The following NSUN7 variants were observed in gnomAD, a reference collection of about 807,000 sequenced individuals.
NSUN7 encodes protein NSUN7.
NSUN7 carries 39 observed loss-of-function variants against 58.5 expected under a neutral mutation model. The observed-to-expected ratio is 0.67, with a 90% CI of 0.52 to 0.87. The LOEUF is 0.87. Ranked by LOEUF, NSUN7 falls within the 40% of genes least tolerant of loss-of-function variation. The pLI, the probability that NSUN7 is intolerant of heterozygous loss-of-function variation, is 0.00. For synonymous variants in NSUN7, 278 were observed against 303.7 expected, an observed-to-expected ratio of 0.92 and a Z score of 0.88; for missense variants, 765 against 844.1, an observed-to-expected ratio of 0.91 and a Z score of 1.16.
Position 40,807,049 on chromosome 4 carries a change from T to A in NSUN7, c.1401-12T>A. The A allele has an allele frequency of 6.4e-7, 1 of 1,550,412 alleles. No homozygotes were observed. Among genetic ancestry groups the A allele is most frequent in the Non-Finnish European group, 8.7e-7 (1 of 1,146,552 alleles). On this transcript the variant is annotated splice_polypyrimidine_tract_variant and intron_variant, in intron 10 of 11. Transcript: ENST00000381782. ...ATTCTAACTGCTGAATGCTTGTTCC[T>A]GTCTGCTGCAGGCTTAGTCCTCCTG...
intron 8 of NSUN7, among the ~76,000 whole-genome samples, chr4:40,794,036 T>C (rs1200724679): frequency 2.0e-5 from 3 of 152,190 alleles, no homozygotes; most frequent in Non-Finnish European, 4.4e-5. Context: ...AAATCTTATT[T>C]TCTCTATCCA....
At chr4:40,784,178 C>T in intron 7 of NSUN7, among the ~76,000 whole-genome samples, 1 of 152,180 alleles carries the variant, frequency 6.6e-6, no homozygotes, top group East Asian at 1.9e-4. Context: ...CTGATGGGAA[C>T]ATAAAATGGT....
intron 7 of NSUN7, 82 bp from the exon 8 acceptor site, chr4:40,790,520 T>C (rs1044319905): frequency 2.1e-5 from 18 of 872,360 alleles, no homozygotes; most frequent in Middle Eastern, 3.5e-4. Context: ...TTTTAAAATG[T>C]ACAATAAATA....
intron 3 of NSUN7, among the ~76,000 whole-genome samples, chr4:40,760,815 TTG>T (rs1741420533): frequency 6.7e-6 from 1 of 149,850 alleles, no homozygotes; most frequent in Non-Finnish European, 1.5e-5. Context: ...GTGAGCTAGA[TTG>T]CGCCATTGCA....
At chr4:40,802,404 C>T (rs1451212446) in intron 10 of NSUN7, among the ~76,000 whole-genome samples, 3 of 152,108 alleles carry the variant, frequency 2.0e-5, no homozygotes, top group Admixed American at 6.5e-5. Flanking sequence ...TAACAATTTC[C>T]TTCCTACATC....
rs1167012906 is a variant in NSUN7, at chr4:40,757,231, TAAATAAATAAAC to T, written c.299-3184_299-3173del. ...GCGACAGAGCAAGATTCCATCTCAA[TAAATAAATAAAC>T]AAATAAATAAACAAATAAGTTACAG... On this transcript the variant is annotated intron_variant, in intron 2 of 11. Transcript: ENST00000381782. Among the ~76,000 whole-genome samples, 43 of 152,066 alleles carry T rather than the reference TAAATAAATAAAC, an allele frequency of 2.8e-4. No individual in the cohort carries two copies. The East Asian group carries it at 4.8e-3, about 17-fold the overall frequency.
Position 40,810,599 on chromosome 4 carries a change from A to AAAAAG in NSUN7, c.*1662_*1663insAAGAA, listed in dbSNP as rs1319566525. 1 of 151,556 alleles carries AAAAAG rather than the reference A, an allele frequency of 6.6e-6. No individual in the cohort carries two copies. Among genetic ancestry groups the AAAAAG allele is most frequent in the African/African-American group, 2.4e-5 (1 of 41,228 alleles). The allele number at this position is 151,556 out of a possible 1,614,324, so 9.4% of individuals were successfully genotyped here. On this transcript the variant is annotated 3_prime_UTR_variant, in exon 12 of 12. Coordinates refer to ENST00000381782, the MANE Select transcript of NSUN7 (RefSeq NM_024677.6). ...CCTCAAAAAAAAAAAAAAAAAAAAAAAAGTGTCAATGAAGAAAGGAAACAA... is the reference window on the plus strand; with the variant it reads ...CCTCAAAAAAAAAAAAAAAAAAAAAAAAAAGAAGTGTCAATGAAGAAAGGAAACAA...
At chr4:40,787,375 AAG>A (rs199758887) in intron 7 of NSUN7, among the ~76,000 whole-genome samples, 2,543 of 151,846 alleles carry the variant, frequency 0.017, 68 homozygotes, top group African/African-American at 0.058. Flanking sequence ...ATGTAAAAAA[AAG>A]AAAATATAAT....
intron 4 of NSUN7, among the ~76,000 whole-genome samples, chr4:40,765,382 G>A (rs1340693318): frequency 6.8e-6 from 1 of 147,108 alleles, no homozygotes; most frequent in Non-Finnish European, 1.5e-5. Context: ...TCAAAGATCA[G>A]ATAGTTGTAG....
At chr4:40,783,382 A>G (rs1295894377) in intron 7 of NSUN7, among the ~76,000 whole-genome samples, 2 of 152,232 alleles carry the variant, frequency 1.3e-5, no homozygotes, top group African/African-American at 2.4e-5. Context: ...GATCAAAAAT[A>G]TAAGTGTTAG....
chr4:40,795,420 G>A (rs762690194), intron 9 of NSUN7, among the ~76,000 whole-genome samples: 2 of 152,180 alleles, frequency 1.3e-5, no homozygotes, highest in African/African-American at 2.4e-5. Context: ...TAGGAAATAA[G>A]TTGATTGGAA....
rs911428331 is a variant in NSUN7, at chr4:40,750,037, G to C, written c.-355G>C. 6.6e-6 allele frequency: 1 copy of C among 152,320 alleles called. No individual in the cohort carries two copies. The highest frequency in any genetic ancestry group is 2.4e-5 in the African/African-American group (1 of 41,444). The allele number at this position is 152,320 out of a possible 1,614,324, so 9.4% of individuals were successfully genotyped here. ...CCGGGCACCGCGCTCACCCCTCTTC[G>C]CCGCCACGTCCGCGAAGGCCTCACG... On this transcript the variant is annotated 5_prime_UTR_variant, in exon 1 of 12. Coordinates refer to ENST00000381782, the MANE Select transcript of NSUN7 (RefSeq NM_024677.6).
chr4:40,794,415 A>C lies in NSUN7; in HGVS notation c.1221A>C (p.Ser407=). The C allele has an allele frequency of 3.1e-6, 5 of 1,612,142 alleles. No homozygotes were observed. Among genetic ancestry groups the C allele is most frequent in the Non-Finnish European group, 4.2e-6 (5 of 1,178,478 alleles). ...AAGATCACTCTCAAGGAGGCATCTC[A>C]GTGGACAAACTTCACGTTCTTGCTC... ...FLKDHSQGGI[S]VDKLHVLAQQ... The change falls in exon 9 of 12, where the codon TCA becomes TCC. Residue 407 remains serine, a synonymous_variant. Coordinates refer to ENST00000381782, the MANE Select transcript of NSUN7 (RefSeq NM_024677.6).
rs1352222316 is a variant in NSUN7 at position 40,808,622 on chromosome 4, G to T, written c.1840G>T (p.Ala614Ser). The T allele has an allele frequency of 1.8e-5, 28 of 1,551,638 alleles. No homozygotes were observed. The highest frequency in any genetic ancestry group is 2.4e-5 in the Non-Finnish European group (28 of 1,147,036). The change falls in exon 12 of 12, where the codon GCA (alanine) becomes TCA (serine). Residue 614 changes from alanine to serine, a missense_variant. Ala to Ser is a moderately conservative substitution (Grantham distance 99). Transcript: ENST00000381782. ...RKPNKLAPHP[A>S]VPAFVKNTCP... ...ACCCAACAAGCTGGCCCCCCATCCT[G>T]CAGTGCCTGCATTTGTGAAGAACAC...
At chr4:40,760,915 TA>T (rs1348104168) in intron 3 of NSUN7, among the ~76,000 whole-genome samples, 1 of 146,838 alleles carries the variant, frequency 6.8e-6, no homozygotes, top group East Asian at 1.9e-4. Context: ...TGAAACCTCT[TA>T]AATCTTAAAT....
Position 40,794,393 on chromosome 4 carries a change from A to C in NSUN7, c.1199A>C (p.Asp400Ala). ...NEHEDTEFLKDHSQGGISVDK... is the reference protein window; with the variant it reads ...NEHEDTEFLKAHSQGGISVDK... ...AATTCAGATACAGAATTCCTTAAAG[A>C]TCACTCTCAAGGAGGCATCTCAGTG... Residue 400 changes from aspartate to alanine, a missense_variant, in exon 9 of 12, where the codon GAT (aspartate) becomes GCT (alanine). By Grantham distance (126) the Asp-to-Ala change is moderately radical. Coordinates refer to ENST00000381782, the MANE Select transcript of NSUN7 (RefSeq NM_024677.6). The C allele has an allele frequency of 6.2e-7, 1 of 1,606,510 alleles. No individual in the cohort carries two copies.
At chr4:40,779,420 G>A (rs1373962706) in intron 7 of NSUN7, among the ~76,000 whole-genome samples, 1 of 152,098 alleles carries the variant, frequency 6.6e-6, no homozygotes, top group African/African-American at 2.4e-5. Flanking sequence ...TGGCTAACAC[G>A]GTGAAACAGC....
In NSUN7 at chr4:40,779,017, G is replaced by A. The variant is rs115018180; in HGVS notation, c.1036+2758G>A. On this transcript the variant is annotated intron_variant, in intron 7 of 11. Transcript: ENST00000381782. ...TAGACACAGTAAAGGGAATACTAAA[G>A]ATACATGGTTTGGGTAGAAGAAATT... 5.7e-3 allele frequency among the ~76,000 whole-genome samples: 868 copies of A among 152,272 alleles called. 6 individuals carry two copies. Among genetic ancestry groups the A allele is most frequent in the African/African-American group, 0.02 (834 of 41,558 alleles).
At chr4:40,787,824 C>G (rs1742901416) in intron 7 of NSUN7, among the ~76,000 whole-genome samples, 1 of 152,074 alleles carries the variant, frequency 6.6e-6, no homozygotes, top group African/African-American at 2.4e-5. Context: ...TGAGGTTGCT[C>G]TTTCCTTTTA....
Sources: gnomAD v4.1 joint callset for allele counts (sites outside exome capture counted in the v4.1 genomes callset) on GRCh38, gnomAD v4.1.1 for gene constraint, MANE v1.5 for transcripts, NCBI Gene and HGNC (gene_info 2026-07-23, HGNC 2026-07-21) for gene names.